ANO4: variants seen among roughly 807,000 people sequenced by gnomAD.
ANO4 encodes the protein anoctamin-4.
ANO4 carries 69 observed loss-of-function variants against 141.9 expected under a neutral mutation model. That is an observed-to-expected ratio of 0.49 (90% confidence interval 0.40 to 0.59). The LOEUF is 0.59. Among genes scored for constraint, ANO4 ranks in the 20% least tolerant of loss-of-function variants. The pLI, the probability that ANO4 is intolerant of heterozygous loss-of-function variation, is 0.00. For missense variants in ANO4, 894 were observed against 1,162.2 expected, an observed-to-expected ratio of 0.77 and a Z score of 3.36; for synonymous variants, 350 against 394.3, an observed-to-expected ratio of 0.89 and a Z score of 1.33.
intron 1 of ANO4, among the ~76,000 whole-genome samples, chr12:100,851,757 G>A (rs963047960): frequency 5.7e-4 from 87 of 152,284 alleles, no homozygotes; most frequent in African/African-American, 2.0e-3. Flanking sequence ...GGGCTGTGAA[G>A]GAAGGCCTCG....
intron 9 of ANO4, among the ~76,000 whole-genome samples, chr12:101,023,510 A>G (rs999082000): frequency 6.6e-6 from 1 of 152,124 alleles, no homozygotes; most frequent in African/African-American, 2.4e-5. Context: ...ATCTCTACAA[A>G]AAATACAAAA....
chr12:100,757,713 T>TG (rs1342130195), intron 3 of ANO4, among the ~76,000 whole-genome samples: 1 of 152,234 alleles, frequency 6.6e-6, no homozygotes, highest in Non-Finnish European at 1.5e-5. Context: ...ACCTGCCTAC[T>TG]GTTCTTTGTT....
rs375891394 is a variant in ANO4, at chr12:101,020,138, T to C, written c.839T>C (p.Ile280Thr). ...RIKYEEGKNKIGLNRLLTNGS... is the reference protein window; with the variant it reads ...RIKYEEGKNKTGLNRLLTNGS... ...AAATATGAAGAAGGAAAAAACAAGA[T>C]TGGTAAGTAGTATGTTAGTATAACA... is the stretch of plus-strand genomic sequence containing the variant. Residue 280 changes from isoleucine (I) to threonine (T), a missense_variant and splice_region_variant, in exon 9 of 28, where the codon ATT (isoleucine) becomes ACT (threonine). This residue lies in a region of ANO4 where 637 missense variants were observed against 909.2 expected (regional missense o/e 0.70). Transcript: ENST00000392977. 3 of 1,590,630 alleles carry C rather than the reference T, an allele frequency of 1.9e-6. No individual in the cohort carries two copies. Among genetic ancestry groups the C allele is most frequent in the African/African-American group, 1.3e-5 (1 of 74,334 alleles).
intron 2 of ANO4, among the ~76,000 whole-genome samples, chr12:100,738,001 C>A (rs1286552909): frequency 6.6e-6 from 1 of 152,174 alleles, no homozygotes; most frequent in East Asian, 1.9e-4. Flanking sequence ...CCTCCTAAAA[C>A]TATTCTGTTT....
Position 101,020,941 on chromosome 12 carries a change from G to A in ANO4, c.841+801G>A, listed in dbSNP as rs895614025. ...GTCTAATCAGGAGACAAAGGCACAA[G>A]TAAATTGAACAGAGAAAGTTTTATA... On this transcript the variant is annotated intron_variant, in intron 9 of 27. Transcript: ENST00000392977. 5.3e-5 allele frequency among the ~76,000 whole-genome samples: 8 copies of A among 152,274 alleles called. No homozygotes were observed. In the East Asian group the frequency reaches 1.5e-3, roughly 29 times the overall value.
chr12:100,885,322 G>A (rs1005328529), intron 1 of ANO4: 3 of 152,302 alleles, frequency 2.0e-5, no homozygotes, highest in African/African-American at 4.8e-5. Context: ...ATTCACTGTC[G>A]GCGCTTCCTC....
intron 14 of ANO4, among the ~76,000 whole-genome samples, chr12:101,060,258 TTTCCG>T (rs1446433287): frequency 6.6e-6 from 1 of 152,236 alleles, no homozygotes; most frequent in Non-Finnish European, 1.5e-5. Context: ...TTTGTTATGA[TTTCCG>T]TTCTTTTGCA....
intron 6 of ANO4, among the ~76,000 whole-genome samples, chr12:100,972,833 T>C (rs920227533): frequency 4.6e-5 from 7 of 152,214 alleles, no homozygotes; most frequent in African/African-American, 1.4e-4. Context: ...AACACACTTC[T>C]GTAACAAAGA....
At chr12:100,866,316 T>C (rs1396160295) in intron 1 of ANO4, among the ~76,000 whole-genome samples, 1 of 152,168 alleles carries the variant, frequency 6.6e-6, no homozygotes, top group Non-Finnish European at 1.5e-5. Flanking sequence ...ATGGAAGGCA[T>C]AGCACCTGCA....
chr12:100,964,549 C>T (rs1416729574), intron 5 of ANO4, among the ~76,000 whole-genome samples: 1 of 152,076 alleles, frequency 6.6e-6, no homozygotes, highest in East Asian at 1.9e-4. Context: ...TAGAGTTTTG[C>T]TTTGTCCTCT....
At chr12:100,864,354 A>C (rs1324264838) in intron 1 of ANO4, among the ~76,000 whole-genome samples, 1 of 152,200 alleles carries the variant, frequency 6.6e-6, no homozygotes, top group African/African-American at 2.4e-5. Context: ...AGAAAAATTA[A>C]GATTGCTGTT....
chr12:100,741,402 C>G (rs2031859237), intron 3 of ANO4, among the ~76,000 whole-genome samples: 1 of 152,252 alleles, frequency 6.6e-6, no homozygotes, highest in African/African-American at 2.4e-5. Context: ...TAAGAATCAG[C>G]ACTGCACTTG....
intron 3 of ANO4, among the ~76,000 whole-genome samples, chr12:100,786,645 T>A (rs1292518169): frequency 6.6e-6 from 1 of 152,146 alleles, no homozygotes; most frequent in Non-Finnish European, 1.5e-5. Flanking sequence ...GCCAGGCAAT[T>A]CCAACTAGAA....
At chr12:100,777,016 T>C (rs991382210) in intron 3 of ANO4, among the ~76,000 whole-genome samples, 3 of 152,074 alleles carry the variant, frequency 2.0e-5, no homozygotes, top group African/African-American at 4.8e-5. Context: ...GACAATTTAG[T>C]CTTCATTTTT....
chr12:100,880,535 T>C (rs529169747), intron 1 of ANO4, among the ~76,000 whole-genome samples: 1 of 152,342 alleles, frequency 6.6e-6, no homozygotes, highest in South Asian at 2.1e-4. Flanking sequence ...GCAGAAAATA[T>C]AGTGTTGTAA....
At chr12:100,894,349 A>G (rs2040237551) in intron 1 of ANO4, among the ~76,000 whole-genome samples, 1 of 151,902 alleles carries the variant, frequency 6.6e-6, no homozygotes, top group Admixed American at 6.6e-5. Flanking sequence ...CTAAGCAACA[A>G]CCTATCTTCA....
At chr12:101,011,961 T>A (rs566399058) in intron 8 of ANO4, among the ~76,000 whole-genome samples, 1 of 151,848 alleles carries the variant, frequency 6.6e-6, no homozygotes, top group South Asian at 2.1e-4. Context: ...TTGACCCACC[T>A]CAGAAATTTC....
intron 1 of ANO4, among the ~76,000 whole-genome samples, chr12:100,897,596 A>T (rs1183492705): frequency 1.3e-5 from 2 of 152,240 alleles, no homozygotes; most frequent in Non-Finnish European, 2.9e-5. Context: ...GACCTTTGTC[A>T]TTAGAAACTC....
At chr12:100,933,486 A>T (rs984021593) in intron 3 of ANO4, among the ~76,000 whole-genome samples, 1 of 152,162 alleles carries the variant, frequency 6.6e-6, no homozygotes, top group African/African-American at 2.4e-5. Context: ...TCCGTGGTGT[A>T]TATGTGCCAC....
Sources: allele counts gnomAD v4.1 joint callset (sites outside exome capture counted in the v4.1 genomes callset), GRCh38; gene constraint gnomAD v4.1.1; regional missense constraint gnomAD v4.1.1; transcripts MANE v1.5; gene names NCBI Gene and HGNC (gene_info 2026-07-23, HGNC 2026-07-21).